MCF2L: variants seen among roughly 807,000 people sequenced by gnomAD.
MCF2L encodes guanine nucleotide exchange factor DBS.
In MCF2L, 97 loss-of-function variants were observed where a neutral mutation model predicts 153.4. The ratio of observed to expected loss-of-function variants is 0.63; its 90% CI spans 0.54 to 0.75. The LOEUF is 0.75. Among genes scored for constraint, MCF2L ranks in the 30% least tolerant of loss-of-function variants. The probability of loss-of-function intolerance (pLI) is 0.00; values close to 1 mark genes in which losing one functional copy is unlikely to be tolerated. For missense variants in MCF2L, 1,347 were observed against 1,495.2 expected (o/e 0.90, Z 1.64); for synonymous variants, 659 against 632.2 (o/e 1.04, Z -0.64).
intron 1 of MCF2L, among the ~76,000 whole-genome samples, chr13:112,979,997 C>G (rs1372892539): frequency 6.6e-6 from 1 of 152,352 alleles, no homozygotes; most frequent in African/African-American, 2.4e-5. Flanking sequence ...GTTCTGGAAC[C>G]TGGGCTTACG....
chr13:113,010,405 G>A (rs1594632252), intron 1 of MCF2L: 1 of 152,248 alleles, frequency 6.6e-6, no homozygotes, highest in East Asian at 1.9e-4. Flanking sequence ...CCCCCTCCCT[G>A]GACTGCCATT....
chr13:112,961,832 G>A (rs1320269700), intron 2 of MCF2L, among the ~76,000 whole-genome samples: 1 of 152,180 alleles, frequency 6.6e-6, no homozygotes. Flanking sequence ...GCCTGCTGGG[G>A]TACGGAATCA....
At chr13:113,020,330 GCAGGACACACGTGTGAGTCGT>G (rs2084796411) in intron 2 of MCF2L, among the ~76,000 whole-genome samples, 1 of 152,212 alleles carries the variant, frequency 6.6e-6, no homozygotes, top group Non-Finnish European at 1.5e-5. Context: ...AGAAAACAAA[GCAGGACACACGTGTGAGTCGT>G]CACACCCTTG....
intron 13 of MCF2L, among the ~76,000 whole-genome samples, chr13:113,077,693 C>T (rs1049187564): frequency 4.6e-5 from 7 of 152,204 alleles, no homozygotes; most frequent in African/African-American, 9.6e-5. Context: ...CTCAGTCCGG[C>T]GCGCATTGCT....
rs558160472 is a variant in MCF2L, at chr13:112,971,813, T to C, written c.79+2355T>C. 3.3e-5 allele frequency among the ~76,000 whole-genome samples: 5 copies of C among 152,338 alleles called. No homozygotes were observed. In the South Asian group the frequency reaches 1.0e-3, roughly 32 times the overall value. On this transcript the variant is annotated intron_variant, in intron 1 of 29. Transcript: ENST00000535094. ...TCCCCCTGGCCCCCCTTCTATGTGA[T>C]AGGGCTCATTTTCGTCTGTTTTGGT...
intron 2 of MCF2L, among the ~76,000 whole-genome samples, chr13:112,919,619 A>C (rs2081333678): frequency 6.6e-6 from 1 of 152,242 alleles, no homozygotes; most frequent in East Asian, 1.9e-4. Flanking sequence ...TAGAAAGCAC[A>C]TAAAGCCTGC....
chr13:113,030,681 C>G (rs1471814365), intron 3 of MCF2L, among the ~76,000 whole-genome samples: 1 of 152,208 alleles, frequency 6.6e-6, no homozygotes, highest in Non-Finnish European at 1.5e-5. Flanking sequence ...AGGTTCGGAT[C>G]TCTGAAAACC....
intron 26 of MCF2L, among the ~76,000 whole-genome samples, chr13:113,093,017 C>T (rs1396247853): frequency 6.6e-6 from 1 of 152,236 alleles, no homozygotes; most frequent in Non-Finnish European, 1.5e-5. Flanking sequence ...CACACAGCAG[C>T]CCCCCTTTTT....
intron 2 of MCF2L, among the ~76,000 whole-genome samples, chr13:112,944,503 A>G (rs1453075047): frequency 6.7e-6 from 1 of 149,858 alleles, no homozygotes; most frequent in Admixed American, 6.6e-5. Flanking sequence ...CAGGAATGCT[A>G]TGCACCACCA....
chr13:113,065,090 A>T lies in MCF2L; in HGVS notation c.756+5A>T. 2.1e-6 allele frequency: 3 copies of T among 1,401,240 alleles called. No homozygotes were observed. Among genetic ancestry groups the T allele is most frequent in the Non-Finnish European group, 2.9e-6 (3 of 1,051,806 alleles). The allele number at this position is 1,401,240 out of a possible 1,614,324, so 86.8% of individuals were successfully genotyped here. A position where few individuals can be genotyped will look rare whatever the true frequency, so the allele number is the denominator to read the frequency against. ...GAGAAGAAGGACAAGGCGAAGGTAC[A>T]TGGGGGGTGCTCCGGCTGGAAGCTG... On this transcript the variant is annotated splice_donor_5th_base_variant and intron_variant, in intron 7 of 29. Coordinates refer to ENST00000535094, the MANE Select transcript of MCF2L (RefSeq NM_001112732.3).
chr13:112,962,209 T>A (rs61963562), intron 2 of MCF2L, among the ~76,000 whole-genome samples: 1 of 150,886 alleles, frequency 6.6e-6, no homozygotes, highest in South Asian at 2.1e-4. Flanking sequence ...GCTCACACAC[T>A]TGCACACAGT....
At chr13:112,994,623 A>C (rs1450660395) in intron 1 of MCF2L, among the ~76,000 whole-genome samples, 2 of 152,192 alleles carry the variant, frequency 1.3e-5, no homozygotes, top group East Asian at 3.9e-4. Context: ...CGCGGTGACC[A>C]ATGTGTGGAG....
Position 113,004,390 on chromosome 13 carries a change from T to C in MCF2L, c.80-10373T>C, listed in dbSNP as rs531515275. ...GTCGTAGCCAACACCACCTCCTCCA[T>C]GGACCTCAGTCTGCAGCCGTCACTC... On this transcript the variant is annotated intron_variant, in intron 1 of 29. Transcript: ENST00000535094. 2.7e-4 allele frequency among the ~76,000 whole-genome samples: 41 copies of C among 152,322 alleles called. No individual in the cohort carries two copies. The Middle Eastern group carries it at 0.01, about 38-fold the overall frequency.
chr13:112,901,707 G>A (rs2081121158), intron 1 of MCF2L, among the ~76,000 whole-genome samples: 1 of 152,224 alleles, frequency 6.6e-6, no homozygotes, highest in Admixed American at 6.5e-5. Context: ...CAAATTTTCA[G>A]TGAGGAATTA....
At chr13:113,014,589 C>T (rs902968172) in intron 1 of MCF2L, among the ~76,000 whole-genome samples, 174 bp from the exon 2 acceptor site, 2 of 152,196 alleles carry the variant, frequency 1.3e-5, no homozygotes, top group Non-Finnish European at 2.9e-5. Flanking sequence ...AGCTTTTATG[C>T]GCTGAGAAAC....
chr13:112,978,286 G>C (rs1375667280), intron 1 of MCF2L, among the ~76,000 whole-genome samples: 1 of 152,158 alleles, frequency 6.6e-6, no homozygotes, highest in Non-Finnish European at 1.5e-5. Context: ...TAGCTGTTTT[G>C]GGGGATGCAG....
chr13:113,087,784 G>C lies in MCF2L; in HGVS notation c.2673G>C (p.Glu891Asp). Residue 891 changes from glutamate to aspartate, a missense_variant, in exon 23 of 30, where the codon GAG (glutamate) becomes GAC (aspartate). Physicochemically the swap from Glu to Asp is conservative, Grantham distance 45. This residue lies in a region of MCF2L where 383 missense variants were observed against 335.4 expected (regional missense o/e 1.14). Transcript: ENST00000535094. Reference sequence around the variant, plus strand: ...AGATCTGGTACAACGCGCGCGAGGAGGTCTACATCGTCCAGGTGGGCCACC... The same window carrying C: ...AGATCTGGTACAACGCGCGCGAGGACGTCTACATCGTCCAGGTGGGCCACC... ...KFEIWYNARE[E>D]VYIVQAPTPE... 1 of 1,614,074 alleles carries C rather than the reference G, an allele frequency of 6.2e-7. No homozygotes were observed. Among genetic ancestry groups the C allele is most frequent in the Non-Finnish European group, 8.5e-7 (1 of 1,180,006 alleles).
At chr13:112,921,003 TAAA>T (rs35975644) in intron 2 of MCF2L, among the ~76,000 whole-genome samples, 9,208 of 140,938 alleles carry the variant, frequency 0.065, 312 homozygotes, top group South Asian at 0.15. Context: ...TCATCTCTAC[TAAA>T]AAAAAAAAAA....
At chr13:112,977,722 C>T (rs1286594002) in intron 1 of MCF2L, among the ~76,000 whole-genome samples, 5 of 152,136 alleles carry the variant, frequency 3.3e-5, no homozygotes, top group Admixed American at 6.5e-5. Flanking sequence ...ACCCCAGAGG[C>T]GACCCTGATG....
Sources: allele counts gnomAD v4.1 joint callset (sites outside exome capture counted in the v4.1 genomes callset), GRCh38; gene constraint gnomAD v4.1.1; regional missense constraint gnomAD v4.1.1; transcripts MANE v1.5; gene names NCBI Gene and HGNC (gene_info 2026-07-23, HGNC 2026-07-21).